The following TRPM1 variants were observed in gnomAD, a reference collection of about 807,000 sequenced individuals.
The protein encoded by TRPM1 is transient receptor potential cation channel subfamily M member 1, also known as TRPM1-203 APA Isoform, Intron 10.
Under a neutral mutation model 149.4 loss-of-function variants are expected in TRPM1, and 113 were observed. That is an observed-to-expected ratio of 0.76 (90% CI 0.65 to 0.88). The LOEUF (loss-of-function observed/expected upper bound fraction) is 0.88, where lower values mean the gene tolerates loss of function less well. Among genes scored for constraint, TRPM1 ranks in the 40% least tolerant of loss-of-function variants. The pLI, the probability that TRPM1 is intolerant of heterozygous loss-of-function variation, is 0.00. For missense variants in TRPM1, 1,976 were observed against 2,038.7 expected (o/e 0.97, Z 0.59); for synonymous variants, 741 against 759.5 (o/e 0.98, Z 0.40).
At chr15:31,057,782 G>A (rs749790083) in intron 11 of TRPM1, among the ~76,000 whole-genome samples, 11 of 152,180 alleles carry the variant, frequency 7.2e-5, no homozygotes, top group Admixed American at 1.3e-4. Context: ...GGTGTCAAGA[G>A]TGGGGCCTGA....
intron 1 of TRPM1, among the ~76,000 whole-genome samples, chr15:31,115,704 T>A (rs940912636): frequency 6.6e-6 from 1 of 151,644 alleles, no homozygotes; most frequent in African/African-American, 2.4e-5. Context: ...TGGAGAAAAG[T>A]AACCCTGTTG....
intron 1 of TRPM1, among the ~76,000 whole-genome samples, chr15:31,097,460 C>G (rs1005512436): frequency 6.6e-5 from 10 of 152,234 alleles, no homozygotes; most frequent in African/African-American, 2.4e-4. Flanking sequence ...AGCACTTTCA[C>G]TTCCATGGAT....
chr15:31,063,221 C>T lies in TRPM1; in HGVS notation c.862G>A (p.Glu288Lys). ...GGPNVVSIVL[E>K]YLQEEPPIPV... ...ATGGGAGGCTCTTCTTGCAGGTATTCCAAGACGATGGACACCACGTTAGGG... is the reference window on the plus strand; with the variant it reads ...ATGGGAGGCTCTTCTTGCAGGTATTTCAAGACGATGGACACCACGTTAGGG... The change falls in exon 8 of 28, where the codon GAA becomes AAA. Residue 288 changes from glutamate to lysine, a missense_variant. Physicochemically the swap from Glu to Lys is moderately conservative, Grantham distance 56. Transcript: ENST00000256552. The T allele has an allele frequency of 6.2e-7, 1 of 1,614,200 alleles. No individual in the cohort carries two copies. Among genetic ancestry groups the T allele is most frequent in the Non-Finnish European group, 8.5e-7 (1 of 1,180,042 alleles).
chr15:31,071,981 ATATATATAT>A, intron 3 of TRPM1, among the ~76,000 whole-genome samples: 1 of 66,944 alleles, frequency 1.5e-5, no homozygotes, highest in African/African-American at 8.1e-5. Context: ...AAAAAAAAAC[ATATATATAT>A]ATATATATAT....
At chr15:31,090,649 G>GA (rs1179841797) in intron 1 of TRPM1, among the ~76,000 whole-genome samples, 1,674 of 131,482 alleles carry the variant, frequency 0.013, 36 homozygotes, top group African/African-American at 0.038. Context: ...AAACAAAAAA[G>GA]AAAAAAAAAA....
At chr15:31,160,358 G>C (rs2036429107) in intron 1 of TRPM1, among the ~76,000 whole-genome samples, 1 of 152,156 alleles carries the variant, frequency 6.6e-6, no homozygotes, top group Non-Finnish European at 1.5e-5. Flanking sequence ...CTAGTCCTGG[G>C]AGCCTCTTGC....
rs61039099 is a variant in TRPM1, at chr15:31,072,018, T to TAGAGAGAG, written c.84-1800_84-1793dup. 1.9e-3 allele frequency among the ~76,000 whole-genome samples: 71 copies of TAGAGAGAG among 36,876 alleles called. 2 individuals are homozygous for TAGAGAGAG. The highest frequency in any genetic ancestry group is 0.021 in the Middle Eastern group (1 of 48). 24.2% of individuals were successfully genotyped at this position (36,876 alleles called of 152,430 possible). ...ATATATATATATATATATATATATA[T>TAGAGAGAG]AGAGAGAGAGAGAGAGAGAGAGAGA... On this transcript the variant is annotated intron_variant, in intron 3 of 27. Transcript: ENST00000256552.
intron 1 of TRPM1, among the ~76,000 whole-genome samples, chr15:31,112,622 G>T (rs990686001): frequency 5.9e-5 from 9 of 152,134 alleles, no homozygotes; most frequent in South Asian, 2.1e-4. Flanking sequence ...AGATGAAAAG[G>T]CGTGGTGTCC....
At chr15:31,089,341 G>C (rs866788395) in intron 1 of TRPM1, among the ~76,000 whole-genome samples, 12 of 152,130 alleles carry the variant, frequency 7.9e-5, no homozygotes, top group South Asian at 6.2e-4. Flanking sequence ...TTTCCCACTT[G>C]GTTCAAAATC....
chr15:31,123,891 T>G (rs1446110356), intron 1 of TRPM1, among the ~76,000 whole-genome samples: 3 of 123,940 alleles, frequency 2.4e-5, no homozygotes, highest in African/African-American at 1.0e-4. Flanking sequence ...CACACAAATG[T>G]CTATGACAGC....
chr15:31,039,596 T>C (rs1207434615), intron 18 of TRPM1, among the ~76,000 whole-genome samples: 1 of 152,196 alleles, frequency 6.6e-6, no homozygotes, highest in Admixed American at 6.5e-5. Context: ...TAGGGTTTGA[T>C]TGCAATATAA....
intron 3 of TRPM1, among the ~76,000 whole-genome samples, chr15:31,072,006 TATATATATATATAGAGAGAG>T (rs1413071158): frequency 0.026 from 978 of 38,170 alleles, 17 homozygotes; most frequent in East Asian, 0.058. Context: ...TATATATATA[TATATATATATATAGAGAGAG>T]AGAGAGAGAG....
In TRPM1 at chr15:31,049,507, C is replaced by G; in HGVS notation, c.1440G>C (p.Val480=). 6.2e-7 allele frequency: 1 copy of G among 1,613,818 alleles called. No homozygotes were observed. Among genetic ancestry groups the G allele is most frequent in the Non-Finnish European group, 8.5e-7 (1 of 1,180,024 alleles). ...DPRKIELLNW[V]NALEQAMLDA... Reference sequence around the variant, plus strand: ...CTAGCATCGCTTGCTCCAAAGCATTCACCTGCAGGGACCAAGGGCCGGGAG... The same window carrying G: ...CTAGCATCGCTTGCTCCAAAGCATTGACCTGCAGGGACCAAGGGCCGGGAG... The change falls in exon 13 of 28, where the codon GTG becomes GTC. Residue 480 remains valine, a splice_region_variant and synonymous_variant. Coordinates refer to ENST00000256552, the MANE Select transcript of TRPM1 (RefSeq NM_001252024.2).
At chr15:31,074,532 T>C (rs893257530) in intron 3 of TRPM1, among the ~76,000 whole-genome samples, 1 of 152,126 alleles carries the variant, frequency 6.6e-6, no homozygotes, top group Admixed American at 6.6e-5. Context: ...GGTAGTAATG[T>C]CCCCTCTTTC....
intron 1 of TRPM1, 38 bp from the exon 2 acceptor site, chr15:31,081,476 C>T (rs2034857108): frequency 1.5e-5 from 20 of 1,330,858 alleles, no homozygotes; most frequent in Non-Finnish European, 2.1e-5. Flanking sequence ...GTCACTTTGC[C>T]TGCAGCCTCT....
intron 1 of TRPM1, among the ~76,000 whole-genome samples, chr15:31,128,946 C>T (rs890192023): frequency 2.6e-5 from 4 of 152,258 alleles, no homozygotes; most frequent in Admixed American, 6.5e-5. Context: ...GGCTGCATCA[C>T]TGCACTGGTT....
chr15:31,047,081 A>G, intron 15 of TRPM1, 30 bp downstream of exon 15: 1 of 1,614,190 alleles, frequency 6.2e-7, no homozygotes, highest in East Asian at 2.2e-5. Flanking sequence ...CTCGCGAACC[A>G]CAGAACACTA....
intron 11 of TRPM1, among the ~76,000 whole-genome samples, chr15:31,058,733 C>T (rs1438546561): frequency 1.3e-5 from 2 of 152,138 alleles, no homozygotes; most frequent in African/African-American, 4.8e-5. Context: ...CTGAAGCGGA[C>T]AGAACAAGTA....
chr15:31,149,072 A>G (rs1021159043), intron 1 of TRPM1, among the ~76,000 whole-genome samples: 3 of 152,230 alleles, frequency 2.0e-5, no homozygotes, highest in African/African-American at 7.2e-5. Context: ...AGATGCCGTG[A>G]CCAACCTTTC....
Sources: allele counts gnomAD v4.1 joint callset (sites outside exome capture counted in the v4.1 genomes callset), GRCh38; gene constraint gnomAD v4.1.1; transcripts MANE v1.5; gene names NCBI Gene and HGNC (gene_info 2026-07-23, HGNC 2026-07-21).